EYS: variants seen among roughly 807,000 people sequenced by gnomAD.
The protein encoded by EYS is protein eyes shut homolog.
In EYS, 250 loss-of-function variants were observed where a neutral mutation model predicts 282.1. The ratio of observed to expected loss-of-function variants is 0.89; its 90% CI spans 0.80 to 0.98. The LOEUF is 0.98. Among genes scored for constraint, EYS ranks in the 50% least tolerant of loss-of-function variants. The pLI, the probability that EYS is intolerant of heterozygous loss-of-function variation, is 0.00. For missense variants in EYS, 4,016 were observed against 3,709.0 expected (o/e 1.08, Z -2.15); for synonymous variants, 1,355 against 1,282.9 (o/e 1.06, Z -1.20).
At chr6:64,978,415 C>T (rs577952526) in intron 14 of EYS, among the ~76,000 whole-genome samples, 1 of 151,880 alleles carries the variant, frequency 6.6e-6, no homozygotes, top group Non-Finnish European at 1.5e-5. Flanking sequence ...AGAAAAGATT[C>T]GTTTCAAAAT....
intron 2 of EYS, among the ~76,000 whole-genome samples, chr6:65,517,098 A>G (rs755518256): frequency 3.3e-5 from 5 of 151,978 alleles, no homozygotes; most frequent in African/African-American, 4.8e-5. Context: ...TTCCTTAGCT[A>G]TAACATGATA....
chr6:64,849,701 T>C (rs1242002710), intron 19 of EYS, among the ~76,000 whole-genome samples: 1 of 152,022 alleles, frequency 6.6e-6, no homozygotes, highest in East Asian at 1.9e-4. Flanking sequence ...TCCAGTTCCT[T>C]ACAGGTAGAT....
chr6:64,299,833 A>G (rs1426360491), intron 30 of EYS, among the ~76,000 whole-genome samples: 1 of 152,194 alleles, frequency 6.6e-6, no homozygotes, highest in Non-Finnish European at 1.5e-5. Context: ...AGTGGGTCCC[A>G]GTATCATCTC....
chr6:64,191,477 T>TCCCCCCC (rs552503593), intron 31 of EYS, among the ~76,000 whole-genome samples: 2 of 143,488 alleles, frequency 1.4e-5, no homozygotes, highest in African/African-American at 2.5e-5. Context: ...TGCTATCCCT[T>TCCCCCCC]CCCCCCCCAC....
chr6:65,100,732 C>T (rs76019481), intron 12 of EYS, among the ~76,000 whole-genome samples: 5,597 of 149,660 alleles, frequency 0.037, 358 homozygotes, highest in African/African-American at 0.13. Context: ...TTGCTGACTT[C>T]GTTTGTTTTA....
intron 31 of EYS, among the ~76,000 whole-genome samples, chr6:64,169,202 G>T (rs1047470673): frequency 1.3e-5 from 2 of 152,078 alleles, no homozygotes; most frequent in Admixed American, 1.3e-4. Flanking sequence ...ATAAATGAAC[G>T]AATGACATGA....
intron 19 of EYS, among the ~76,000 whole-genome samples, chr6:64,835,443 T>C (rs1342053606): frequency 6.6e-6 from 1 of 151,162 alleles, no homozygotes; most frequent in Non-Finnish European, 1.5e-5. Flanking sequence ...TGTTATAGAC[T>C]AACACAGTCA....
intron 34 of EYS, among the ~76,000 whole-genome samples, chr6:63,986,068 C>T (rs1231970371): frequency 6.6e-6 from 1 of 151,558 alleles, no homozygotes; most frequent in Non-Finnish European, 1.5e-5. Context: ...GGAATGTATA[C>T]AAATTTACAA....
rs544110016 is a variant in EYS at position 64,216,067 on chromosome 6, A to C, written c.6424+14525T>G. ...CTAGGTTTGGATGGCAGGAGGTTGA[A>C]GGAAAACAAAGCTGGACAAGTTAGC... is the stretch of plus-strand genomic sequence containing the variant. On this transcript the variant is annotated intron_variant, in intron 31 of 42. Coordinates refer to ENST00000503581, the MANE Select transcript of EYS (RefSeq NM_001142800.2). Among the ~76,000 whole-genome samples the C allele has an allele frequency of 2.6e-5, 4 of 152,322 alleles. 1 individual carries two copies. The East Asian group carries it at 7.7e-4, about 29-fold the overall frequency.
intron 29 of EYS, among the ~76,000 whole-genome samples, chr6:64,386,910 T>C (rs1294648580): frequency 1.3e-5 from 2 of 152,176 alleles, no homozygotes; most frequent in Non-Finnish European, 2.9e-5. Context: ...AGAGTGAACA[T>C]AGCATGATGA....
chr6:64,124,476 C>G (rs1382568454), intron 31 of EYS, among the ~76,000 whole-genome samples: 1 of 152,104 alleles, frequency 6.6e-6, no homozygotes, highest in Non-Finnish European at 1.5e-5. Flanking sequence ...GGGATGTGAA[C>G]CAAATATTTG....
chr6:65,492,253 T>G (rs1766073320), intron 4 of EYS, among the ~76,000 whole-genome samples: 1 of 152,062 alleles, frequency 6.6e-6, no homozygotes, highest in Non-Finnish European at 1.5e-5. Context: ...TTAGGTATTT[T>G]ATAGTGCTCA....
intron 33 of EYS, among the ~76,000 whole-genome samples, chr6:64,009,710 T>G (rs538514027): frequency 6.6e-6 from 1 of 152,314 alleles, no homozygotes; most frequent in South Asian, 2.1e-4. Context: ...CTATCCGTAT[T>G]CTGAATTCAA....
At chr6:64,225,769 G>T (rs1342304219) in intron 31 of EYS, among the ~76,000 whole-genome samples, 1 of 152,090 alleles carries the variant, frequency 6.6e-6, no homozygotes, top group African/African-American at 2.4e-5. Flanking sequence ...GAATGTAGTA[G>T]TTCATAGTGA....
At chr6:64,958,202 T>C (rs1442028042) in intron 14 of EYS, among the ~76,000 whole-genome samples, 1 of 152,126 alleles carries the variant, frequency 6.6e-6, no homozygotes, top group Non-Finnish European at 1.5e-5. Flanking sequence ...ATATACCATA[T>C]GTTGTGTGTA....
At chr6:65,281,234 G>T (rs1768212955) in intron 12 of EYS, among the ~76,000 whole-genome samples, 2 of 151,618 alleles carry the variant, frequency 1.3e-5, no homozygotes, top group African/African-American at 4.8e-5. Flanking sequence ...TCTATTTTGA[G>T]TATATTAATT....
At chr6:65,320,105 T>C (rs1263732428) in intron 11 of EYS, among the ~76,000 whole-genome samples, 3 of 151,784 alleles carry the variant, frequency 2.0e-5, no homozygotes, top group Non-Finnish European at 4.4e-5. Flanking sequence ...AAGAAAGGAA[T>C]TAACTAGCGA....
intron 35 of EYS, among the ~76,000 whole-genome samples, chr6:63,878,983 G>A (rs1056235827): frequency 6.6e-6 from 1 of 152,146 alleles, no homozygotes; most frequent in Admixed American, 6.5e-5. Flanking sequence ...AACAAGCCCT[G>A]GTGAGATGAA....
rs553248923 is a variant in EYS, at chr6:64,535,348, C to T, written c.5644+54875G>A. Among the ~76,000 whole-genome samples the T allele has an allele frequency of 9.2e-5, 14 of 152,174 alleles. No homozygotes were observed. In the South Asian group the frequency reaches 1.7e-3, roughly 18 times the overall value. ...CATAAATGAACAAATCTCATTATGT[C>T]AAACCAGGCATTAAGTAACTCAAGT... is the stretch of plus-strand genomic sequence containing the variant. On this transcript the variant is annotated intron_variant, in intron 26 of 42. Transcript: ENST00000503581.
Sources: gnomAD v4.1 joint callset for allele counts (sites outside exome capture counted in the v4.1 genomes callset) on GRCh38, gnomAD v4.1.1 for gene constraint, MANE v1.5 for transcripts, NCBI Gene and HGNC (gene_info 2026-07-23, HGNC 2026-07-21) for gene names.